SAMD3: variants seen among roughly 807,000 people sequenced by gnomAD.
SAMD3 encodes sterile alpha motif domain-containing protein 3.
Under a neutral mutation model 58.5 loss-of-function variants are expected in SAMD3, and 63 were observed. The observed-to-expected ratio is 1.08, with a 90% CI of 0.88 to 1.33. The LOEUF (loss-of-function observed/expected upper bound fraction) is 1.33, where lower values mean the gene tolerates loss of function less well. SAMD3 is among the 40% of genes most tolerant of loss of function. The pLI is 0.00. For missense variants in SAMD3, 604 were observed against 608.4 expected (o/e 0.99, Z 0.08); for synonymous variants, 220 against 210.3 (o/e 1.05, Z -0.40).
intron 1 of SAMD3, among the ~76,000 whole-genome samples, chr6:130,342,933 G>T (rs918119182): frequency 6.6e-6 from 1 of 152,118 alleles, no homozygotes; most frequent in Non-Finnish European, 1.5e-5. Flanking sequence ...CCATGGTGGG[G>T]CCTTGATTCA....
At chr6:130,181,923 G>C (rs1231902800) in intron 7 of SAMD3, among the ~76,000 whole-genome samples, 2 of 152,068 alleles carry the variant, frequency 1.3e-5, no homozygotes, top group Non-Finnish European at 2.9e-5. Flanking sequence ...AAATTACCTG[G>C]GCGTGGTGGG....
chr6:130,299,780 T>C (rs1775685036), intron 2 of SAMD3, among the ~76,000 whole-genome samples: 1 of 152,118 alleles, frequency 6.6e-6, no homozygotes. Flanking sequence ...AGCACTAGCA[T>C]TACAACTGAT....
Position 130,327,147 on chromosome 6 carries a change from A to C in SAMD3, c.-303-14054T>G, listed in dbSNP as rs570877614. ...TCTTGTTTCCTTAAATGAATTTGAA[A>C]CCCCGGGACATGAAGTTTATACAGA... On this transcript the variant is annotated intron_variant, in intron 1 of 13. Coordinates refer to the SAMD3 transcript ENST00000368134. Among the ~76,000 whole-genome samples, 21 of 152,128 alleles carry C rather than the reference A, an allele frequency of 1.4e-4. 1 individual carries two copies. In the East Asian group the frequency reaches 3.1e-3, roughly 22 times the overall value.
chr6:130,181,193 C>G (rs915764762), intron 7 of SAMD3, among the ~76,000 whole-genome samples: 7 of 151,948 alleles, frequency 4.6e-5, no homozygotes, highest in African/African-American at 1.7e-4. Context: ...GTGATCTGCC[C>G]GCCTTGGCCT....
intron 1 of SAMD3, among the ~76,000 whole-genome samples, chr6:130,328,209 T>C (rs909693400): frequency 6.6e-6 from 1 of 152,154 alleles, no homozygotes; most frequent in African/African-American, 2.4e-5. Flanking sequence ...CTATCGTGTG[T>C]TGGGACTCAT....
chr6:130,274,439 G>A (rs567602367), intron 2 of SAMD3, among the ~76,000 whole-genome samples: 53 of 152,292 alleles, frequency 3.5e-4, no homozygotes, highest in Non-Finnish European at 1.0e-4. Flanking sequence ...AGAATAGGAT[G>A]TCCTTCCATA....
At chr6:130,269,591 G>T (rs1202220018) in intron 2 of SAMD3, among the ~76,000 whole-genome samples, 4 of 151,928 alleles carry the variant, frequency 2.6e-5, no homozygotes, top group Admixed American at 6.6e-5. Flanking sequence ...TTGGTAATAT[G>T]TGTCTTCTCT....
intron 2 of SAMD3, among the ~76,000 whole-genome samples, chr6:130,297,323 G>GACC (rs2114970998): frequency 6.6e-6 from 1 of 152,224 alleles, no homozygotes; most frequent in South Asian, 2.1e-4. Flanking sequence ...GAAGCCAAAT[G>GACC]ACCATATGCA....
At chr6:130,149,979 C>A (rs1788996239) in intron 9 of SAMD3, among the ~76,000 whole-genome samples, 8 of 152,200 alleles carry the variant, frequency 5.3e-5, no homozygotes, top group Admixed American at 5.2e-4. Context: ...TTCTATTAAT[C>A]TATCTGCAGA....
At chr6:130,268,467 T>C (rs1261420097) in intron 2 of SAMD3, among the ~76,000 whole-genome samples, 1 of 152,176 alleles carries the variant, frequency 6.6e-6, no homozygotes, top group East Asian at 1.9e-4. Flanking sequence ...TACAGTAGTG[T>C]ACAATAATGC....
Position 130,146,159 on chromosome 6 carries a change from A to T in SAMD3, c.1046T>A (p.Leu349His), listed in dbSNP as rs895419932. The change falls in exon 10 of 12, where the codon CTT becomes CAT. Residue 349 changes from leucine (L) to histidine (H), a missense_variant. Transcript: ENST00000439090. ...TTTCTTATAAATATCTGTTCTTGTA[A>T]GAAGTTGGAATTCTCTGAACATCTG... Reference protein sequence around the residue: ...PYQMFREFQLLTRTDIYKKTR... With the variant: ...PYQMFREFQLHTRTDIYKKTR... 14 of 1,587,370 alleles carry T rather than the reference A, an allele frequency of 8.8e-6. No individual in the cohort carries two copies. The highest frequency in any genetic ancestry group is 1.2e-5 in the Non-Finnish European group (14 of 1,168,704).
intron 1 of SAMD3, among the ~76,000 whole-genome samples, chr6:130,217,901 C>T (rs892709295): frequency 6.6e-6 from 1 of 152,150 alleles, no homozygotes; most frequent in South Asian, 2.1e-4. Flanking sequence ...TATCTCCTAC[C>T]GTGGCTGAAC....
chr6:130,220,259 C>T (rs763076783), intron 1 of SAMD3, among the ~76,000 whole-genome samples: 19 of 152,174 alleles, frequency 1.2e-4, no homozygotes, highest in Non-Finnish European at 2.5e-4. Context: ...CTCGGCCCCC[C>T]AGAGTGCTGG....
chr6:130,224,596 TTA>T (rs1424686615), upstream of SAMD3, among the ~76,000 whole-genome samples: 1 of 51,888 alleles, frequency 1.9e-5, no homozygotes, highest in African/African-American at 1.6e-4. Context: ...TATTTATTTA[TTA>T]TTATTATTAT....
chr6:130,146,148 C>G lies in SAMD3; in HGVS notation c.1057G>C (p.Asp353His). The G allele has an allele frequency of 2.5e-6, 4 of 1,593,380 alleles. No individual in the cohort carries two copies. The highest frequency in any genetic ancestry group is 3.4e-6 in the Non-Finnish European group (4 of 1,170,900). ...ATGTGCCTTGTTTTCTTATAAATAT[C>G]TGTTCTTGTAAGAAGTTGGAATTCT... is the stretch of plus-strand genomic sequence containing the variant. ...FREFQLLTRTDIYKKTRHILE... is the reference protein window; with the variant it reads ...FREFQLLTRTHIYKKTRHILE... Residue 353 changes from aspartate (D) to histidine (H), a missense_variant, in exon 10 of 12, where the codon GAT (aspartate) becomes CAT (histidine). Physicochemically the swap from Asp to His is moderately conservative, Grantham distance 81 (BLOSUM62 -1). Coordinates refer to ENST00000439090, the MANE Select transcript of SAMD3 (RefSeq NM_001017373.4).
At chr6:130,364,138 C>T (rs780175522) in intron 1 of SAMD3, among the ~76,000 whole-genome samples, 1 of 152,048 alleles carries the variant, frequency 6.6e-6, no homozygotes. Context: ...CTAAATAATT[C>T]CCTTTTGGTG....
At chr6:130,175,540 A>T (rs1002007245) in intron 8 of SAMD3, among the ~76,000 whole-genome samples, 5 of 152,184 alleles carry the variant, frequency 3.3e-5, no homozygotes, top group African/African-American at 1.2e-4. Context: ...GACGCATTGT[A>T]GGATAAGAGC....
intron 1 of SAMD3, among the ~76,000 whole-genome samples, chr6:130,343,239 A>G (rs142912239): frequency 6.4e-4 from 97 of 152,120 alleles, no homozygotes; most frequent in African/African-American, 2.1e-3. Flanking sequence ...CCCCTGAGTC[A>G]ACTCCAAGTC....
At chr6:130,255,460 T>G (rs1773891781) in intron 2 of SAMD3, among the ~76,000 whole-genome samples, 2 of 152,232 alleles carry the variant, frequency 1.3e-5, no homozygotes, top group South Asian at 4.1e-4. Flanking sequence ...ACATTTGCTT[T>G]ATATATTTAT....
Sources: allele counts gnomAD v4.1 joint callset (sites outside exome capture counted in the v4.1 genomes callset), GRCh38; gene constraint gnomAD v4.1.1; transcripts MANE v1.5; gene names NCBI Gene and HGNC (gene_info 2026-07-23, HGNC 2026-07-21).